The following AKAP13 variants were observed in gnomAD, a reference collection of about 807,000 sequenced individuals.
The protein encoded by AKAP13 is A-kinase anchoring protein 13.
AKAP13 carries 80 observed loss-of-function variants against 264.5 expected under a neutral mutation model. The observed-to-expected ratio is 0.30, with a 90% CI of 0.25 to 0.36. The LOEUF (loss-of-function observed/expected upper bound fraction) is 0.36, where lower values mean the gene tolerates loss of function less well. Ranked by LOEUF, AKAP13 falls within the 10% of genes least tolerant of loss-of-function variation. AKAP13 has a pLI of 1.00. For synonymous variants in AKAP13, 1,380 were observed against 1,250.2 expected, an observed-to-expected ratio of 1.10 and a Z score of -2.19; for missense variants, 3,712 against 3,435.2, an observed-to-expected ratio of 1.08 and a Z score of -2.01.
chr15:85,406,481 C>T (rs1305744217), intron 1 of AKAP13, among the ~76,000 whole-genome samples: 2 of 149,474 alleles, frequency 1.3e-5, no homozygotes, highest in Admixed American at 1.3e-4. Flanking sequence ...TACCATATTG[C>T]TCGTTGCTGG....
At chr15:85,640,924 A>G (rs957938629) in intron 9 of AKAP13, among the ~76,000 whole-genome samples, 1 of 152,182 alleles carries the variant, frequency 6.6e-6, no homozygotes, top group Non-Finnish European at 1.5e-5. Context: ...CTGTAGACCT[A>G]CTGTACACCC....
chr15:85,540,138 G>C (rs757357016), intron 4 of AKAP13, among the ~76,000 whole-genome samples: 1 of 152,112 alleles, frequency 6.6e-6, no homozygotes, highest in African/African-American at 2.4e-5. Flanking sequence ...AGGGCAGGAG[G>C]GGGAGGGAAG....
At chr15:85,413,272 T>G (rs1330511861) in intron 1 of AKAP13, among the ~76,000 whole-genome samples, 1 of 152,212 alleles carries the variant, frequency 6.6e-6, no homozygotes, top group East Asian at 1.9e-4. Context: ...GGTGGTTCTT[T>G]CAGAACTTCA....
At chr15:85,408,215 TC>T (rs1567042457) in intron 1 of AKAP13, among the ~76,000 whole-genome samples, 1 of 151,408 alleles carries the variant, frequency 6.6e-6, no homozygotes, top group Non-Finnish European at 1.5e-5. Context: ...TATTTTAGAG[TC>T]CATTTATTCA....
intron 1 of AKAP13, among the ~76,000 whole-genome samples, chr15:85,424,131 A>T (rs1438634179): frequency 6.6e-6 from 1 of 152,232 alleles, no homozygotes; most frequent in African/African-American, 2.4e-5. Flanking sequence ...TAAAGTCATC[A>T]GCTGCATTAG....
chr15:85,621,724 G>C (rs2081196408), intron 8 of AKAP13, among the ~76,000 whole-genome samples: 1 of 152,146 alleles, frequency 6.6e-6, no homozygotes, highest in Admixed American at 6.6e-5. Context: ...TACTTAATTT[G>C]AGACTTGCCA....
intron 8 of AKAP13, among the ~76,000 whole-genome samples, chr15:85,593,162 A>T (rs1433374581): frequency 6.6e-6 from 1 of 152,146 alleles, no homozygotes; most frequent in Non-Finnish European, 1.5e-5. Flanking sequence ...ATGCAAAAAA[A>T]TTAGCAGGGC....
At chr15:85,515,841 C>CTT (rs555551831) in intron 2 of AKAP13, among the ~76,000 whole-genome samples, 2 of 131,338 alleles carry the variant, frequency 1.5e-5, no homozygotes, top group Non-Finnish European at 1.6e-5. Flanking sequence ...GTTATTTTTC[C>CTT]TTTTTTTTTT....
intron 14 of AKAP13, among the ~76,000 whole-genome samples, chr15:85,680,443 A>G (rs1016555434): frequency 3.3e-5 from 5 of 152,290 alleles, no homozygotes; most frequent in Middle Eastern, 6.8e-3. Context: ...TGTTGTTACC[A>G]TGTGTTGTAA....
At chr15:85,385,540 T>C (rs973680463) in intron 1 of AKAP13, among the ~76,000 whole-genome samples, 6 of 152,184 alleles carry the variant, frequency 3.9e-5, no homozygotes, top group Non-Finnish European at 8.8e-5. Flanking sequence ...CTCAACCGGT[T>C]CTCTACCCCC....
intron 4 of AKAP13, among the ~76,000 whole-genome samples, chr15:85,543,569 A>G (rs575201958): frequency 6.6e-6 from 1 of 152,108 alleles, no homozygotes; most frequent in Non-Finnish European, 1.5e-5. Context: ...TATACTTTCT[A>G]TGCTTTTGTA....
chr15:85,560,331 T>C (rs1389549498), intron 5 of AKAP13, among the ~76,000 whole-genome samples: 2 of 151,454 alleles, frequency 1.3e-5, no homozygotes, highest in African/African-American at 4.9e-5. Flanking sequence ...TTGCAAAGAG[T>C]GGGGGTGGTC....
rs369861507 is a variant in AKAP13 at position 85,710,566 on chromosome 15, T to A, written c.5533-13T>A. 4 of 1,613,138 alleles carry A rather than the reference T, an allele frequency of 2.5e-6. No individual in the cohort carries two copies. The highest frequency in any genetic ancestry group is 2.2e-5 in the South Asian group (2 of 90,976). ...AGGTGAATTGTCAATGGACTTACTT[T>A]CTTTCTCTTTAGCAGCCCAAAGGGA... is the stretch of plus-strand genomic sequence containing the variant. On this transcript the variant is annotated splice_polypyrimidine_tract_variant and intron_variant, in intron 18 of 36. Coordinates refer to ENST00000394518, the MANE Select transcript of AKAP13 (RefSeq NM_007200.5).
chr15:85,382,628 C>T (rs2070345154), intron 1 of AKAP13, among the ~76,000 whole-genome samples: 1 of 152,186 alleles, frequency 6.6e-6, no homozygotes, highest in South Asian at 2.1e-4. Flanking sequence ...GCATGTTATA[C>T]TGTAGGTACT....
intron 2 of AKAP13, among the ~76,000 whole-genome samples, chr15:85,510,179 G>C (rs1237427075): frequency 1.3e-5 from 2 of 152,190 alleles, no homozygotes; most frequent in Non-Finnish European, 2.9e-5. Flanking sequence ...TGAATGAGAT[G>C]CAGTCTCTGG....
At chr15:85,388,554 TGA>T (rs34982470) in intron 1 of AKAP13, among the ~76,000 whole-genome samples, 74,826 of 151,818 alleles carry the variant, frequency 0.49, 18,857 homozygotes, top group Admixed American at 0.58. Context: ...TTTAGTTTGC[TGA>T]GAGTTTTTAT....
intron 17 of AKAP13, among the ~76,000 whole-genome samples, chr15:85,696,446 A>G (rs1409132153): frequency 6.6e-6 from 1 of 152,228 alleles, no homozygotes; most frequent in Non-Finnish European, 1.5e-5. Context: ...CTTATCAATT[A>G]GACATTAACT....
intron 1 of AKAP13, among the ~76,000 whole-genome samples, chr15:85,393,362 C>T (rs2070958865): frequency 6.6e-6 from 1 of 152,198 alleles, no homozygotes; most frequent in South Asian, 2.1e-4. Context: ...CATTTGATCA[C>T]ATGAAGCCTT....
Position 85,692,519 on chromosome 15 carries a change from CAGTAGTGGT to C in AKAP13, c.5290-742_5290-734del, listed in dbSNP as rs764464697. ...GTGATGGTGGTGGTGGTGGTGGTGG[CAGTAGTGGT>C]AGTAGTGGTAGTAGTACCTGAATCT... On this transcript the variant is annotated intron_variant, in intron 16 of 36. Transcript: ENST00000394518. Among the ~76,000 whole-genome samples, 558 of 148,152 alleles carry C rather than the reference CAGTAGTGGT, an allele frequency of 3.8e-3. 1 individual carries two copies. Among genetic ancestry groups the C allele is most frequent in the Non-Finnish European group, 4.8e-3 (324 of 67,210 alleles).
Sources: gnomAD v4.1 joint callset for allele counts (sites outside exome capture counted in the v4.1 genomes callset) on GRCh38, gnomAD v4.1.1 for gene constraint, MANE v1.5 for transcripts, NCBI Gene and HGNC (gene_info 2026-07-23, HGNC 2026-07-21) for gene names.